TRAF3: variants seen among roughly 807,000 people sequenced by gnomAD.
TRAF3 encodes the protein TNF receptor associated factor 3, also known as TNF receptor-associated factor 3.
TRAF3 carries 13 observed loss-of-function variants against 62.3 expected under a neutral mutation model. The ratio of observed to expected loss-of-function variants is 0.21; its 90% CI spans 0.14 to 0.33. The LOEUF is 0.33. Among genes scored for constraint, TRAF3 ranks in the 10% least tolerant of loss-of-function variants. The pLI, the probability that TRAF3 is intolerant of heterozygous loss-of-function variation, is 1.00. For missense variants in TRAF3, 440 were observed against 741.8 expected, an observed-to-expected ratio of 0.59 and a Z score of 4.73; for synonymous variants, 269 against 283.4, an observed-to-expected ratio of 0.95 and a Z score of 0.51.
At chr14:102,825,947 G>A (rs574674309) in intron 1 of TRAF3, among the ~76,000 whole-genome samples, 1 of 152,346 alleles carries the variant, frequency 6.6e-6, no homozygotes, top group East Asian at 1.9e-4. Context: ...TAGGCCGTAG[G>A]TGTTCCCTGT....
intron 1 of TRAF3, among the ~76,000 whole-genome samples, chr14:102,799,704 G>GCATCT (rs1487126474): frequency 1.4e-4 from 22 of 152,300 alleles, no homozygotes; most frequent in African/African-American, 5.3e-4. Flanking sequence ...GCGTGCCTTG[G>GCATCT]CATCTCAAGT....
chr14:102,870,968 T>C (rs1209176176), intron 3 of TRAF3, among the ~76,000 whole-genome samples: 3 of 152,220 alleles, frequency 2.0e-5, no homozygotes, highest in African/African-American at 7.2e-5. Flanking sequence ...CTGGTACCGC[T>C]GGTGGATCAT....
chr14:102,831,646 G>T (rs150722447), intron 2 of TRAF3, among the ~76,000 whole-genome samples: 2 of 152,236 alleles, frequency 1.3e-5, no homozygotes, highest in Admixed American at 1.3e-4. Flanking sequence ...GTGACCTTCT[G>T]TCTCCCAGCC....
chr14:102,891,940 A>G (rs770709550), intron 9 of TRAF3, among the ~76,000 whole-genome samples: 1 of 152,172 alleles, frequency 6.6e-6, no homozygotes, highest in Non-Finnish European at 1.5e-5. Context: ...AACAGGAAAA[A>G]ATATTTGATA....
chr14:102,793,594 T>C (rs1257464697), intron 1 of TRAF3, among the ~76,000 whole-genome samples: 1 of 152,216 alleles, frequency 6.6e-6, no homozygotes, highest in African/African-American at 2.4e-5. Flanking sequence ...TACCATGTAC[T>C]TCCCCTCTTC....
chr14:102,803,058 A>G (rs1364508115), intron 1 of TRAF3, among the ~76,000 whole-genome samples: 4 of 152,154 alleles, frequency 2.6e-5, no homozygotes, highest in Non-Finnish European at 4.4e-5. Flanking sequence ...CAAGAACAGG[A>G]TGGTGGAAAC....
At chr14:102,807,411 A>G (rs997014959) in intron 1 of TRAF3, among the ~76,000 whole-genome samples, 12 of 152,084 alleles carry the variant, frequency 7.9e-5, no homozygotes, top group Non-Finnish European at 1.6e-4. Context: ...TGTGTCCTAC[A>G]GTTTCCTCCT....
chr14:102,839,495 C>T (rs1886247133), intron 2 of TRAF3, among the ~76,000 whole-genome samples: 1 of 152,150 alleles, frequency 6.6e-6, no homozygotes, highest in South Asian at 2.1e-4. Context: ...GCTGGGATTA[C>T]AGGCGTGAGC....
At position 102,905,908 on chromosome 14, in the gene TRAF3, CG is replaced by C; in HGVS notation, c.*126del. 1.1e-6 allele frequency: 1 copy of C among 897,930 alleles called. No individual in the cohort carries two copies. 55.6% of individuals were successfully genotyped at this position (897,930 alleles called of 1,614,324 possible). A position where few individuals can be genotyped will look rare whatever the true frequency, so the allele number is the denominator to read the frequency against. On this transcript the variant is annotated 3_prime_UTR_variant, in exon 12 of 12. Coordinates refer to ENST00000392745, the MANE Select transcript of TRAF3 (RefSeq NM_145725.3). ...GTGAGACGGAGGAAGCGGCAGAAGG[CG>C]GACGCGTGCCGGCGGGAGGAGCCAC...
At chr14:102,845,058 G>A (rs937541206) in intron 2 of TRAF3, among the ~76,000 whole-genome samples, 6 of 150,310 alleles carry the variant, frequency 4.0e-5, no homozygotes, top group African/African-American at 7.4e-5. Flanking sequence ...CCAGCACGCC[G>A]GCTAATTTTT....
chr14:102,845,491 C>T (rs558781403), intron 2 of TRAF3, among the ~76,000 whole-genome samples: 49 of 150,082 alleles, frequency 3.3e-4, no homozygotes, highest in Non-Finnish European at 3.4e-4. Flanking sequence ...GCATGAGCAC[C>T]GTGCCCAGCC....
chr14:102,825,967 A>G (rs1246106029), intron 1 of TRAF3, among the ~76,000 whole-genome samples: 1 of 152,206 alleles, frequency 6.6e-6, no homozygotes, highest in East Asian at 1.9e-4. Flanking sequence ...TCAGGAATTT[A>G]CGCGGAGGCA....
Position 102,886,222 on chromosome 14 carries a change from G to T in TRAF3, c.604G>T (p.Val202Leu), listed in dbSNP as rs1023557232. The change falls in exon 7 of 12, where the codon GTG becomes TTG. Residue 202 changes from valine to leucine, a missense_variant. Val to Leu is a conservative substitution (Grantham distance 32). Transcript: ENST00000392745. ...AGACACCGACTGTCCCTGCGTGGTG[G>T]TGTCCTGCCCTCACAAGTGCAGCGT... ...HEDTDCPCVV[V>L]SCPHKCSVQT... The T allele has an allele frequency of 6.2e-7, 1 of 1,613,000 alleles. No individual in the cohort carries two copies. Among genetic ancestry groups the T allele is most frequent in the Admixed American group, 1.7e-5 (1 of 59,982 alleles).
chr14:102,829,490 G>A (rs1900529236), intron 1 of TRAF3, among the ~76,000 whole-genome samples: 1 of 152,178 alleles, frequency 6.6e-6, no homozygotes, highest in Non-Finnish European at 1.5e-5. Flanking sequence ...GTGTGTGTGT[G>A]ATGACCTGCC....
intron 1 of TRAF3, among the ~76,000 whole-genome samples, chr14:102,806,626 A>C (rs1422261151): frequency 6.6e-6 from 1 of 152,146 alleles, no homozygotes; most frequent in Non-Finnish European, 1.5e-5. Context: ...GTACCAGGGC[A>C]TGGCAGGAAA....
rs551130412 is a variant in TRAF3 at position 102,826,269 on chromosome 14, C to T, written c.-156-4065C>T. ...AGCATCCTCGTCTGTCTGGTGGAGC[C>T]GCCTCACAGAGGAACAAGTGAGTTG... On this transcript the variant is annotated intron_variant, in intron 1 of 11. Coordinates refer to ENST00000392745, the MANE Select transcript of TRAF3 (RefSeq NM_145725.3). The surrounding 1 kb of genome is among the most constrained non-coding windows in gnomAD (Gnocchi z 4.6). Among the ~76,000 whole-genome samples, 3 of 152,184 alleles carry T rather than the reference C, an allele frequency of 2.0e-5. No individual in the cohort carries two copies. The highest frequency in any genetic ancestry group is 7.2e-5 in the African/African-American group (3 of 41,514).
intron 1 of TRAF3, among the ~76,000 whole-genome samples, chr14:102,781,113 G>A (rs189044030): frequency 1.8e-4 from 28 of 152,310 alleles, no homozygotes; most frequent in Admixed American, 1.4e-3. Context: ...GGGAAGCGGC[G>A]TTGAGTTGAG....
At chr14:102,864,291 G>A (rs570549794) in intron 2 of TRAF3, among the ~76,000 whole-genome samples, 83 of 151,960 alleles carry the variant, frequency 5.5e-4, no homozygotes, top group Middle Eastern at 3.4e-3. Context: ...TGGGACTACA[G>A]GCACCCGCCA....
At chr14:102,845,316 C>A (rs1350448753) in intron 2 of TRAF3, among the ~76,000 whole-genome samples, 1 of 151,542 alleles carries the variant, frequency 6.6e-6, no homozygotes, top group East Asian at 1.9e-4. Flanking sequence ...GGTTCTCCTG[C>A]CTCAGCCTCC....
Sources: gnomAD v4.1 joint callset for allele counts (sites outside exome capture counted in the v4.1 genomes callset) on GRCh38, gnomAD v4.1.1 for gene constraint, Gnocchi (gnomAD v3.1) non-coding constraint, MANE v1.5 for transcripts, NCBI Gene and HGNC (gene_info 2026-07-23, HGNC 2026-07-21) for gene names.